Variants in SLC4A1 observed in about 807,000 individuals in gnomAD.
SLC4A1 encodes solute carrier family 4 member 1 (Diego blood group), also known as band 3 anion transport protein.
A neutral mutation model predicts 93.1 loss-of-function variants in SLC4A1; 29 were observed. The ratio of observed to expected loss-of-function variants is 0.31; its 90% CI spans 0.23 to 0.42. The LOEUF (loss-of-function observed/expected upper bound fraction) is 0.42, where lower values mean the gene tolerates loss of function less well. SLC4A1 is among the 20% of genes least tolerant of loss of function. The pLI is 1.00. For missense variants in SLC4A1, 965 were observed against 1,190.1 expected (o/e 0.81, Z 2.78); for synonymous variants, 469 against 497.2 (o/e 0.94, Z 0.76).
chr17:44,265,231 G>A (rs971957539), intron 1 of SLC4A1, among the ~76,000 whole-genome samples: 5 of 152,044 alleles, frequency 3.3e-5, no homozygotes, highest in Non-Finnish European at 5.9e-5. Flanking sequence ...CAGTGCTTCC[G>A]AGGTGACATG....
chr17:44,268,061 C>G lies in SLC4A1; in HGVS notation c.-76G>C. On this transcript the variant is annotated 5_prime_UTR_variant, in exon 1 of 20. Transcript: ENST00000262418. ...CCTCCCTGCCCTGCCCACCTGCTCACGAGCCTCAGGGTCCCTTGGTGAAGT... is the reference window on the plus strand; with the variant it reads ...CCTCCCTGCCCTGCCCACCTGCTCAGGAGCCTCAGGGTCCCTTGGTGAAGT... 1.0e-6 allele frequency: 1 copy of G among 985,334 alleles called. No individual in the cohort carries two copies. Among genetic ancestry groups the G allele is most frequent in the Non-Finnish European group, 1.2e-6 (1 of 829,910 alleles). 61.0% of individuals were successfully genotyped at this position (985,334 alleles called of 1,614,324 possible).
intron 1 of SLC4A1, among the ~76,000 whole-genome samples, chr17:44,264,922 C>T (rs923347590): frequency 1.5e-4 from 22 of 148,198 alleles, no homozygotes; most frequent in Admixed American, 2.7e-4. Flanking sequence ...GCAATTGGGT[C>T]GGTTCAACAA....
chr17:44,267,300 C>T (rs1345103258), intron 1 of SLC4A1, among the ~76,000 whole-genome samples: 2 of 152,180 alleles, frequency 1.3e-5, no homozygotes, highest in African/African-American at 4.8e-5. Flanking sequence ...ACTCTCTGTG[C>T]CTCAGTTTTC....
At chr17:44,251,744 T>C (rs1408394252) in intron 17 of SLC4A1, among the ~76,000 whole-genome samples, 156 bp from the exon 18 acceptor site, 2 of 144,030 alleles carry the variant, frequency 1.4e-5, no homozygotes, top group African/African-American at 5.2e-5. Context: ...TTTTTTGTTT[T>C]TTTTTTTGAG....
At chr17:44,256,685 G>T (rs964299915) in intron 13 of SLC4A1, among the ~76,000 whole-genome samples, 2 of 152,220 alleles carry the variant, frequency 1.3e-5, no homozygotes. Flanking sequence ...TCAGTGTCAT[G>T]CCCATACCTA....
Position 44,258,520 on chromosome 17 carries a change from G to A in SLC4A1, c.980C>T (p.Pro327Leu), listed in dbSNP as rs28931583. The part of the protein sequence containing the change: ...CSLVLPPTDA[P>L]SEQALLSLVP... ...CAGACTGAGCAGTGCCTGCTCGGAG[G>A]GGGCATCGGTGGGAGGCAGCACTAG... The change falls in exon 10 of 20, where the codon CCC (proline) becomes CTC (leucine). Residue 327 changes from proline (P) to leucine (L), a missense_variant. Physicochemically the swap from Pro to Leu is moderately conservative, Grantham distance 98. Around this residue, in one of 2 missense-constraint regions of SLC4A1, gnomAD observed 770 missense variants for 1,006.6 expected, o/e 0.76. Transcript: ENST00000262418. This position sits in a 1 kb window ranked among gnomAD's most constrained non-coding sequence, Gnocchi z 6.1. 3.7e-6 allele frequency: 6 copies of A among 1,613,902 alleles called. No homozygotes were observed. Among genetic ancestry groups the A allele is most frequent in the Non-Finnish European group, 5.1e-6 (6 of 1,179,998 alleles).
rs768727937 is a variant in SLC4A1 at position 44,257,999 on chromosome 17, G to A, written c.1269C>T (p.Phe423=). The A allele has an allele frequency of 5.0e-5, 80 of 1,614,030 alleles. No homozygotes were observed. The highest frequency in any genetic ancestry group is 6.3e-5 in the Non-Finnish European group (74 of 1,180,024). Residue 423 remains phenylalanine (F), a synonymous_variant, in exon 11 of 20, where the codon TTC becomes TTT. Transcript: ENST00000262418. ...YFAALSPAIT[F]GGLLGEKTRN... ...ATTGGCACTGACCCAGGAGGCCGCC[G>A]AAGGTGATGGCGGGTGACAGTGCAG...
chr17:44,251,030 C>G (rs2144595735), intron 19 of SLC4A1, 129 bp downstream of exon 19: 1 of 1,003,076 alleles, frequency 1.0e-6, no homozygotes, highest in East Asian at 2.6e-5. Context: ...TAGGACACAG[C>G]AGGCCAGAAC....
intron 9 of SLC4A1, 147 bp downstream of exon 9, chr17:44,259,016 C>T (rs1237315303): frequency 2.3e-6 from 2 of 871,692 alleles, no homozygotes; most frequent in African/African-American, 1.7e-5. Context: ...CCGACTGCCC[C>T]CGCCAGGTAG....
In SLC4A1 at chr17:44,263,707, C is replaced by CTCCTTCCTTCCT. The variant is rs111483250; in HGVS notation, c.-68-785_-68-774dup. Among the ~76,000 whole-genome samples the CTCCTTCCTTCCT allele has an allele frequency of 6.6e-3, 927 of 140,378 alleles. 7 individuals are homozygous for CTCCTTCCTTCCT. Among genetic ancestry groups the CTCCTTCCTTCCT allele is most frequent in the Middle Eastern group, 0.021 (6 of 290 alleles). The allele number at this position is 140,378 out of a possible 152,430, so 92.1% of individuals were successfully genotyped here. On this transcript the variant is annotated intron_variant, in intron 1 of 19. Coordinates refer to ENST00000262418, the MANE Select transcript of SLC4A1 (RefSeq NM_000342.4). ...TTCCCTCCCTCCTTCCCTCCCTTCCCTCCTTCCTTCCTTCCTTCCTTCCTT... is the reference window on the plus strand; with the variant it reads ...TTCCCTCCCTCCTTCCCTCCCTTCCCTCCTTCCTTCCTTCCTTCCTTCCTTCCTTCCTTCCTT...
Position 44,258,284 on chromosome 17 carries a change from CGAA to C in SLC4A1, c.1088-107_1088-105del. ...AGATTGTCTGATGGGAATGGGGCGG[CGAA>C]GAAGTCTGGAAGATGTGGGCAAAGG... On this transcript the variant is annotated intron_variant, in intron 10 of 19. Coordinates refer to ENST00000262418, the MANE Select transcript of SLC4A1 (RefSeq NM_000342.4). This position sits in a 1 kb window ranked among gnomAD's most constrained non-coding sequence, Gnocchi z 6.1. 1 of 1,424,398 alleles carries C rather than the reference CGAA, an allele frequency of 7.0e-7. No homozygotes were observed. Among genetic ancestry groups the C allele is most frequent in the East Asian group, 2.3e-5 (1 of 43,856 alleles). The allele number at this position is 1,424,398 out of a possible 1,614,324, so 88.2% of individuals were successfully genotyped here.
At chr17:44,264,065 T>C (rs1241628602) in intron 1 of SLC4A1, among the ~76,000 whole-genome samples, 1 of 152,186 alleles carries the variant, frequency 6.6e-6, no homozygotes, top group African/African-American at 2.4e-5. Context: ...TGCAGTGGCA[T>C]GATTACAGCT....
intron 14 of SLC4A1, 48 bp from the exon 15 acceptor site, chr17:44,255,344 C>T (rs1369944552): frequency 1.4e-6 from 2 of 1,415,220 alleles, no homozygotes; most frequent in Non-Finnish European, 2.0e-6. Context: ...TCACTCCCCA[C>T]CTCCTGCCTT....
intron 1 of SLC4A1, among the ~76,000 whole-genome samples, chr17:44,266,140 C>T (rs1052205589): frequency 5.3e-5 from 8 of 151,890 alleles, no homozygotes; most frequent in Non-Finnish European, 8.8e-5. Flanking sequence ...TGATGGGGTG[C>T]GGGGGAGGGG....
intron 17 of SLC4A1, 132 bp from the exon 18 acceptor site, chr17:44,251,720 C>CT (rs67064853): frequency 0.46 from 173,882 of 380,956 alleles, 21,312 homozygotes; most frequent in African/African-American, 0.55. Flanking sequence ...CTTTTCTTTT[C>CT]TTTTTTTTTT....
At chr17:44,263,573 A>G (rs2047466119) in intron 1 of SLC4A1, among the ~76,000 whole-genome samples, 1 of 151,048 alleles carries the variant, frequency 6.6e-6, no homozygotes, top group Non-Finnish European at 1.5e-5. Context: ...TATCCCGGAC[A>G]CCCTCCCCCC....
chr17:44,265,938 C>T (rs898973295), intron 1 of SLC4A1, among the ~76,000 whole-genome samples: 3 of 151,580 alleles, frequency 2.0e-5, no homozygotes, highest in Admixed American at 2.0e-4. Context: ...CGAGATTGCG[C>T]CACTGCACTC....
chr17:44,254,278 GT>G (rs375395447), intron 16 of SLC4A1, among the ~76,000 whole-genome samples: 44 of 149,168 alleles, frequency 2.9e-4, no homozygotes, highest in Admixed American at 2.3e-3. Flanking sequence ...GCCCGGCCAC[GT>G]TTTTTTTTTC....
chr17:44,251,120 C>T, intron 19 of SLC4A1, 39 bp downstream of exon 19: 8 of 1,562,074 alleles, frequency 5.1e-6, no homozygotes, highest in Non-Finnish European at 6.9e-6. Flanking sequence ...CCCTCGCATG[C>T]TCCCAGCTCT....
Sources: allele counts gnomAD v4.1 joint callset (sites outside exome capture counted in the v4.1 genomes callset), GRCh38; gene constraint gnomAD v4.1.1; regional missense constraint gnomAD v4.1.1; non-coding constraint Gnocchi (gnomAD v3.1); transcripts MANE v1.5; gene names NCBI Gene and HGNC (gene_info 2026-07-23, HGNC 2026-07-21).